Variants in NCOA7 observed in about 807,000 individuals in gnomAD.
NCOA7 encodes nuclear receptor coactivator 7.
NCOA7 carries 45 observed loss-of-function variants against 104.3 expected under a neutral mutation model. That is an observed-to-expected ratio of 0.43 (90% CI 0.34 to 0.55). The LOEUF is 0.55. NCOA7 is among the 20% of genes least tolerant of loss of function. The pLI is 0.02. For missense variants in NCOA7, 1,041 were observed against 1,119.7 expected, an observed-to-expected ratio of 0.93 and a Z score of 1.00; for synonymous variants, 398 against 402.3, an observed-to-expected ratio of 0.99 and a Z score of 0.13.
intron 7 of NCOA7, among the ~76,000 whole-genome samples, chr6:125,883,292 A>C (rs1026100592): frequency 2.0e-5 from 3 of 152,200 alleles, no homozygotes; most frequent in African/African-American, 4.8e-5. Context: ...ATTGATGTGC[A>C]TTTATAAAAT....
chr6:125,783,913 G>A (rs2128536607), intron 1 of NCOA7, among the ~76,000 whole-genome samples: 1 of 152,224 alleles, frequency 6.6e-6, no homozygotes, highest in Non-Finnish European at 1.5e-5. Flanking sequence ...TGCAGGGTAG[G>A]TATTCCACTG....
chr6:125,851,238 A>G (rs1335783090), intron 2 of NCOA7, among the ~76,000 whole-genome samples: 2 of 152,102 alleles, frequency 1.3e-5, no homozygotes, highest in African/African-American at 4.8e-5. Context: ...TGTACCCAAT[A>G]TGTAGTTTTT....
chr6:125,867,798 C>T (rs1366236065), intron 3 of NCOA7, among the ~76,000 whole-genome samples: 1 of 152,100 alleles, frequency 6.6e-6, no homozygotes, highest in African/African-American at 2.4e-5. Flanking sequence ...GCAATTTAGG[C>T]CTTTCCTGGC....
intron 10 of NCOA7, among the ~76,000 whole-genome samples, chr6:125,896,013 AATAT>A (rs558029765): frequency 1.0e-4 from 15 of 147,564 alleles, no homozygotes; most frequent in African/African-American, 3.5e-4. Context: ...ATATATATAA[AATAT>A]ATATATATTA....
At chr6:125,883,649 G>A (rs1331066064) in intron 7 of NCOA7, among the ~76,000 whole-genome samples, 8 of 148,350 alleles carry the variant, frequency 5.4e-5, no homozygotes, top group Admixed American at 1.3e-4. Context: ...CTATCTAACT[G>A]TAAGTATATG....
At chr6:125,883,729 T>C (rs941857932) in intron 7 of NCOA7, among the ~76,000 whole-genome samples, 1 of 148,696 alleles carries the variant, frequency 6.7e-6, no homozygotes. Flanking sequence ...TTTTTTTTTT[T>C]TTTTTTTGAG....
intron 7 of NCOA7, among the ~76,000 whole-genome samples, chr6:125,882,928 T>A (rs1343296034): frequency 3.9e-5 from 6 of 152,206 alleles, no homozygotes; most frequent in Non-Finnish European, 8.8e-5. Context: ...TTACATGTCT[T>A]AAGCTCCCAT....
intron 8 of NCOA7, among the ~76,000 whole-genome samples, chr6:125,886,267 C>G (rs996633297): frequency 6.6e-6 from 1 of 152,020 alleles, no homozygotes; most frequent in African/African-American, 2.4e-5. Context: ...TCCACTCAGC[C>G]CTTCCCCAAC....
intron 10 of NCOA7, among the ~76,000 whole-genome samples, chr6:125,907,509 G>T (rs1786131833): frequency 6.6e-6 from 1 of 152,202 alleles, no homozygotes; most frequent in Non-Finnish European, 1.5e-5. Context: ...AGCTGCATGT[G>T]CCCTAAGGGC....
intron 11 of NCOA7, among the ~76,000 whole-genome samples, chr6:125,917,801 G>A (rs555476766): frequency 1.3e-5 from 2 of 152,336 alleles, no homozygotes; most frequent in East Asian, 3.9e-4. Flanking sequence ...TTACTTTCTT[G>A]TGAGTCTTTG....
chr6:125,894,307 C>T (rs1361382193), intron 10 of NCOA7, among the ~76,000 whole-genome samples: 1 of 152,140 alleles, frequency 6.6e-6, no homozygotes, highest in Non-Finnish European at 1.5e-5. Flanking sequence ...AAAATCACTT[C>T]ACATTGAGAA....
rs563581325 is a variant in NCOA7, at chr6:125,913,457, C to A, written c.2097-1876C>A. 3.5e-4 allele frequency among the ~76,000 whole-genome samples: 53 copies of A among 152,304 alleles called. 2 individuals are homozygous for A. Among genetic ancestry groups the A allele is most frequent in the African/African-American group, 1.1e-3 (44 of 41,574 alleles). ...ATCACATCTTAAAATACCTTAATAG[C>A]AACATCAAGGCTGCTGTTTGACCAA... On this transcript the variant is annotated intron_variant, in intron 10 of 15. Coordinates refer to ENST00000392477, the MANE Select transcript of NCOA7 (RefSeq NM_181782.5).
chr6:125,873,472 CT>C (rs1455621856), intron 3 of NCOA7, among the ~76,000 whole-genome samples: 3 of 152,104 alleles, frequency 2.0e-5, no homozygotes, highest in Non-Finnish European at 4.4e-5. Flanking sequence ...CCTGTTTACC[CT>C]TTTGGTGTAT....
At chr6:125,869,057 G>C (rs1317375326) in intron 3 of NCOA7, among the ~76,000 whole-genome samples, 1 of 152,170 alleles carries the variant, frequency 6.6e-6, no homozygotes, top group Non-Finnish European at 1.5e-5. Context: ...AGAAAAAAAG[G>C]CTACGTACTA....
At chr6:125,845,710 T>G (rs529511210) in intron 2 of NCOA7, among the ~76,000 whole-genome samples, 1 of 152,244 alleles carries the variant, frequency 6.6e-6, no homozygotes, top group Admixed American at 6.5e-5. Context: ...GAGGTTGCAG[T>G]GAGCCAAGAT....
At chr6:125,811,594 A>G (rs1777009369) in intron 1 of NCOA7, among the ~76,000 whole-genome samples, 1 of 152,180 alleles carries the variant, frequency 6.6e-6, no homozygotes, top group African/African-American at 2.4e-5. Flanking sequence ...GTGCCTGAGG[A>G]AAGAGTGAGG....
chr6:125,818,918 GAGGCCAA>G (rs1777868485), intron 2 of NCOA7: 1 of 152,326 alleles, frequency 6.6e-6, no homozygotes, highest in Non-Finnish European at 1.5e-5. Context: ...GGCCAAGGGT[GAGGCCAA>G]ACTGATGCAA....
chr6:125,791,657 T>C (rs1774872500), intron 1 of NCOA7, among the ~76,000 whole-genome samples: 2 of 152,288 alleles, frequency 1.3e-5, no homozygotes, highest in South Asian at 4.1e-4. Context: ...GGCTGGGATA[T>C]TGTTGTGCTG....
intron 2 of NCOA7, among the ~76,000 whole-genome samples, chr6:125,831,164 G>A (rs1026785141): frequency 4.6e-5 from 7 of 152,112 alleles, no homozygotes; most frequent in African/African-American, 4.8e-5. Context: ...TAAGTTAACC[G>A]AATTCTCTAG....
Sources: gnomAD v4.1 joint callset for allele counts (sites outside exome capture counted in the v4.1 genomes callset) on GRCh38, gnomAD v4.1.1 for gene constraint, MANE v1.5 for transcripts, NCBI Gene and HGNC (gene_info 2026-07-23, HGNC 2026-07-21) for gene names.